The following DLGAP2 variants were observed in gnomAD, a reference collection of about 807,000 sequenced individuals.
DLGAP2 encodes the protein disks large-associated protein 2.
A neutral mutation model predicts 100.3 loss-of-function variants in DLGAP2; 26 were observed. The observed-to-expected ratio is 0.26, with a 90% CI of 0.19 to 0.36. DLGAP2 has a LOEUF of 0.36. DLGAP2 is among the 10% of genes least tolerant of loss of function. The pLI is 1.00. For missense variants in DLGAP2, 1,858 were observed against 1,453.2 expected, an observed-to-expected ratio of 1.28 and a Z score of -4.53; for synonymous variants, 886 against 630.1, an observed-to-expected ratio of 1.41 and a Z score of -6.08.
intron 2 of DLGAP2, among the ~76,000 whole-genome samples, chr8:1,053,992 G>T (rs1359901173): frequency 6.6e-6 from 1 of 152,110 alleles, no homozygotes; most frequent in East Asian, 1.9e-4. Context: ...TCTGTGGTTA[G>T]CAGTACAACA....
rs117725392 is a variant in DLGAP2, at chr8:1,008,936, G to A, written c.73+100970G>A. On this transcript the variant is annotated intron_variant, in intron 2 of 14. Transcript: ENST00000637795. ...CAACCCTGTGAGGAGCTGGAGTCAG[G>A]TCAGCAGCACCCAGAGGCTCCTGGG... Among the ~76,000 whole-genome samples, 651 of 152,358 alleles carry A rather than the reference G, an allele frequency of 4.3e-3. 5 individuals are homozygous for A. Among genetic ancestry groups the A allele is most frequent in the Middle Eastern group, 0.017 (5 of 294 alleles).
chr8:1,238,657 GTGTCTAGTTCTCTCTCACACATAGCGTCA>G (rs1798719908), intron 2 of DLGAP2, among the ~76,000 whole-genome samples: 5 of 118,582 alleles, frequency 4.2e-5, no homozygotes, highest in Middle Eastern at 5.1e-3. Context: ...ACATGGTGCC[GTGTCTAGTTCTCTCTCACACATAGCGTCA>G]TGTCTAGTTC....
intron 2 of DLGAP2, among the ~76,000 whole-genome samples, chr8:1,018,073 G>C (rs545332528): frequency 1.3e-5 from 2 of 151,928 alleles, no homozygotes; most frequent in South Asian, 4.2e-4. Context: ...GCTTGGCCCT[G>C]CTCAGTCAGC....
intron 3 of DLGAP2, chr8:1,368,747 G>A (rs1802168795): frequency 6.6e-6 from 1 of 152,186 alleles, no homozygotes; most frequent in African/African-American, 2.4e-5. Flanking sequence ...TTCATTATCT[G>A]CTGACTCCAG....
intron 1 of DLGAP2, among the ~76,000 whole-genome samples, chr8:864,680 C>G (rs1022930781): frequency 1.0e-3 from 153 of 152,158 alleles, no homozygotes; most frequent in Non-Finnish European, 1.0e-4. Context: ...GGTGCACTTT[C>G]AGTAAACCTT....
intron 3 of DLGAP2, among the ~76,000 whole-genome samples, chr8:1,323,967 C>T (rs993223183): frequency 2.6e-5 from 4 of 152,126 alleles, no homozygotes; most frequent in Admixed American, 6.5e-5. Context: ...ATTAATGTGG[C>T]GCGTTTCGAC....
At chr8:1,514,279 A>G (rs1466767194) in intron 4 of DLGAP2, among the ~76,000 whole-genome samples, 1 of 152,222 alleles carries the variant, frequency 6.6e-6, no homozygotes, top group African/African-American at 2.4e-5. Flanking sequence ...TTCTTATGCG[A>G]CTATTCCCAG....
At chr8:1,413,697 T>G (rs1052708505) in intron 3 of DLGAP2, among the ~76,000 whole-genome samples, 3 of 152,220 alleles carry the variant, frequency 2.0e-5, no homozygotes, top group Non-Finnish European at 4.4e-5. Flanking sequence ...TAAATGGTCT[T>G]GAACTCAAAG....
At chr8:1,271,305 G>C (rs1799577924) in intron 3 of DLGAP2, among the ~76,000 whole-genome samples, 1 of 152,100 alleles carries the variant, frequency 6.6e-6, no homozygotes, top group South Asian at 2.1e-4. Flanking sequence ...GGACTCCTCA[G>C]CCGGGGGGGT....
At chr8:1,619,861 A>C (rs1173241347) in intron 6 of DLGAP2, 3 of 152,192 alleles carry the variant, frequency 2.0e-5, no homozygotes, top group Non-Finnish European at 2.9e-5. Flanking sequence ...CTGTGCATAC[A>C]AACTGCCTTC....
intron 3 of DLGAP2, among the ~76,000 whole-genome samples, chr8:1,269,330 G>T (rs947807769): frequency 6.6e-6 from 1 of 152,192 alleles, no homozygotes; most frequent in African/African-American, 2.4e-5. Flanking sequence ...CCTGGTACGG[G>T]GAGGATGGGA....
At chr8:1,463,655 C>A (rs931450186) in intron 3 of DLGAP2, among the ~76,000 whole-genome samples, 2 of 152,236 alleles carry the variant, frequency 1.3e-5, no homozygotes, top group East Asian at 3.9e-4. Context: ...TCGGGATACC[C>A]AAATCTCACT....
intron 2 of DLGAP2, among the ~76,000 whole-genome samples, chr8:950,773 C>T (rs542186025): frequency 2.0e-5 from 3 of 152,036 alleles, no homozygotes; most frequent in East Asian, 3.9e-4. Flanking sequence ...AGGCATGTGC[C>T]ACCGTGCCCG....
rs571764830 is a variant in DLGAP2 at position 1,363,458 on chromosome 8, G to A, written c.106+104575G>A. 2.6e-5 allele frequency among the ~76,000 whole-genome samples: 4 copies of A among 152,304 alleles called. No homozygotes were observed. The East Asian group carries it at 5.8e-4, about 22-fold the overall frequency. On this transcript the variant is annotated intron_variant, in intron 3 of 14. Coordinates refer to ENST00000637795, the MANE Select transcript of DLGAP2 (RefSeq NM_001346810.2). ...CCTGTAAGCCCTCCGTCCCCCACAC[G>A]CGTTTCCTCCACCACCCAGTGATGG...
Position 1,429,054 on chromosome 8 carries a change from T to C in DLGAP2, c.107-72312T>C, listed in dbSNP as rs1003956032. 2.0e-5 allele frequency among the ~76,000 whole-genome samples: 3 copies of C among 152,334 alleles called. No homozygotes were observed. The East Asian group carries it at 5.8e-4, about 29-fold the overall frequency. Reference sequence around the variant, plus strand: ...TTGGGCAGCACCAGACTGCAAGCAGTGTAGCACTTCTCTAGGGCTTCAGAG... The same window carrying C: ...TTGGGCAGCACCAGACTGCAAGCAGCGTAGCACTTCTCTAGGGCTTCAGAG... On this transcript the variant is annotated intron_variant, in intron 3 of 14. Coordinates refer to ENST00000637795, the MANE Select transcript of DLGAP2 (RefSeq NM_001346810.2).
chr8:1,184,801 G>C (rs1447978215), intron 2 of DLGAP2, among the ~76,000 whole-genome samples: 1 of 152,168 alleles, frequency 6.6e-6, no homozygotes, highest in Non-Finnish European at 1.5e-5. Flanking sequence ...GCCCTCTCCA[G>C]GCCTGGGCTA....
intron 8 of DLGAP2, among the ~76,000 whole-genome samples, chr8:1,641,634 CAT>C (rs1251701389): frequency 2.5e-4 from 38 of 152,200 alleles, no homozygotes; most frequent in African/African-American, 8.2e-4. Context: ...TTTGGAGGGA[CAT>C]GTGTATGGGG....
intron 1 of DLGAP2, among the ~76,000 whole-genome samples, chr8:905,457 C>T (rs184784982): frequency 6.6e-6 from 1 of 152,166 alleles, no homozygotes; most frequent in Non-Finnish European, 1.5e-5. Context: ...GATTCCCCCC[C>T]CACAGCCCTT....
intron 1 of DLGAP2, among the ~76,000 whole-genome samples, chr8:815,294 G>A (rs1218448020): frequency 2.6e-5 from 4 of 152,220 alleles, no homozygotes; most frequent in Non-Finnish European, 5.9e-5. Context: ...GGAGCACTGT[G>A]TCCTCACTTG....
Sources: allele counts gnomAD v4.1 joint callset (sites outside exome capture counted in the v4.1 genomes callset), GRCh38; gene constraint gnomAD v4.1.1; transcripts MANE v1.5; gene names NCBI Gene and HGNC (gene_info 2026-07-23, HGNC 2026-07-21).